Variants in NMUR2 observed in about 807,000 individuals in gnomAD.
The protein encoded by NMUR2 is neuromedin U receptor 2.
Under a neutral mutation model 25.1 loss-of-function variants are expected in NMUR2, and 24 were observed. The observed-to-expected ratio is 0.96, with a 90% CI of 0.69 to 1.34. The LOEUF is 1.34. Ranked by LOEUF, NMUR2 falls within the 40% of genes most tolerant of loss-of-function variation. The pLI is 0.00. For missense variants in NMUR2, 533 were observed against 512.8 expected (o/e 1.04, Z -0.38); for synonymous variants, 218 against 208.1 (o/e 1.05, Z -0.41).
chr5:152,395,329 A>G, intron 3 of NMUR2, 130 bp downstream of exon 3: 1 of 1,030,642 alleles, frequency 9.7e-7, no homozygotes, highest in Non-Finnish European at 1.4e-6. Context: ...TAAAAGAAAA[A>G]TCAAATGTCT....
intron 2 of NMUR2, among the ~76,000 whole-genome samples, chr5:152,397,282 A>C (rs914241532): frequency 6.6e-6 from 1 of 152,136 alleles, no homozygotes; most frequent in African/African-American, 2.4e-5. Flanking sequence ...TTTGATTTGC[A>C]AAATGTATTA....
intron 1 of NMUR2, among the ~76,000 whole-genome samples, chr5:152,400,691 C>T (rs1328330044): frequency 1.3e-5 from 2 of 152,096 alleles, no homozygotes; most frequent in East Asian, 3.9e-4. Flanking sequence ...TTACTTCATG[C>T]CACTTAAAGA....
intron 1 of NMUR2, among the ~76,000 whole-genome samples, chr5:152,399,076 A>G (rs938739931): frequency 1.3e-5 from 2 of 152,098 alleles, no homozygotes; most frequent in Admixed American, 1.3e-4. Context: ...CTGAAGATCT[A>G]CATCATTCAT....
In NMUR2 at chr5:152,398,098, A is replaced by G. The variant is rs147889756; in HGVS notation, c.773T>C (p.Ile258Thr). 5 of 1,613,340 alleles carry G rather than the reference A, an allele frequency of 3.1e-6. No homozygotes were observed. In the African/African-American group the frequency reaches 5.3e-5, roughly 17 times the overall value. ...SLEADEGNAN[I>T]QRPCRKSVNK... ...GACTGATTTTCTGCAGGGTCTTTGA[A>G]TATTTGCATTCCCTTCATCTGCCTC... Residue 258 changes from isoleucine (I) to threonine (T), a missense_variant, in exon 2 of 4, where the codon ATT (isoleucine) becomes ACT (threonine). Coordinates refer to ENST00000255262, the MANE Select transcript of NMUR2 (RefSeq NM_020167.5).
Position 152,404,500 on chromosome 5 carries a change from G to A in NMUR2, c.614C>T (p.Thr205Met), listed in dbSNP as rs1326243803. The change falls in exon 1 of 4, where the codon ACG becomes ATG. Residue 205 changes from threonine to methionine, a missense_variant. Thr to Met is a moderately conservative substitution (Grantham distance 81). Transcript: ENST00000255262. Reference sequence around the variant, plus strand: ...GTAGATCCACATGGGCTTGATGACCGTACAGGTGGCCGAACCTGGGACCAG... The same window carrying A: ...GTAGATCCACATGGGCTTGATGACCATACAGGTGGCCGAACCTGGGACCAG... The part of the protein sequence containing the change: ...GSLVPGSATC[T>M]VIKPMWIYNF... The A allele has an allele frequency of 3.7e-6, 6 of 1,614,098 alleles. No homozygotes were observed. Among genetic ancestry groups the A allele is most frequent in the East Asian group, 2.2e-5 (1 of 44,850 alleles).
chr5:152,401,512 A>G (rs972879906), intron 1 of NMUR2, among the ~76,000 whole-genome samples: 1 of 152,194 alleles, frequency 6.6e-6, no homozygotes, highest in Non-Finnish European at 1.5e-5. Context: ...TTGTGTAAAT[A>G]TCTCTATAAT....
intron 3 of NMUR2, among the ~76,000 whole-genome samples, chr5:152,394,469 C>T (rs72791431): frequency 0.012 from 1,763 of 152,188 alleles, 18 homozygotes; most frequent in Middle Eastern, 0.024. Context: ...TCTAATGAGC[C>T]CATAGAATCA....
At chr5:152,395,155 T>C (rs1483770185) in intron 3 of NMUR2, among the ~76,000 whole-genome samples, 1 of 152,102 alleles carries the variant, frequency 6.6e-6, no homozygotes, top group African/African-American at 2.4e-5. Flanking sequence ...AAGAACCAAT[T>C]TAATTGCATG....
intron 2 of NMUR2, among the ~76,000 whole-genome samples, chr5:152,396,385 A>G (rs1561697040): frequency 6.6e-6 from 1 of 152,220 alleles, no homozygotes; most frequent in Non-Finnish European, 1.5e-5. Context: ...GGTGATGGGT[A>G]CATGGGTATT....
intron 1 of NMUR2, among the ~76,000 whole-genome samples, chr5:152,398,373 T>C (rs537732872): frequency 2.0e-5 from 3 of 152,284 alleles, no homozygotes; most frequent in Admixed American, 1.3e-4. Flanking sequence ...CAACCACTTT[T>C]CGTATACAGT....
Position 152,397,511 on chromosome 5 carries a change from T to C in NMUR2, c.811+549A>G, listed in dbSNP as rs143149070. Among the ~76,000 whole-genome samples, 1,074 of 152,214 alleles carry C rather than the reference T, an allele frequency of 7.1e-3. 14 individuals are homozygous for C. The highest frequency in any genetic ancestry group is 0.024 in the African/African-American group (984 of 41,526). ...ATGTTCTTAACCTGGAACTAAAAGA[T>C]CCCATGGAGTCTATGAGTATCAGGG... On this transcript the variant is annotated intron_variant, in intron 2 of 3. Coordinates refer to ENST00000255262, the MANE Select transcript of NMUR2 (RefSeq NM_020167.5).
chr5:152,403,567 T>C (rs1163855155), intron 1 of NMUR2, among the ~76,000 whole-genome samples: 1 of 151,902 alleles, frequency 6.6e-6, no homozygotes, highest in Non-Finnish European at 1.5e-5. Flanking sequence ...AAGTGATATC[T>C]TTTTCTTAAT....
chr5:152,404,545 T>C lies in NMUR2; in HGVS notation c.569A>G (p.His190Arg), dbSNP rs749981074. 2.0e-5 allele frequency: 33 copies of C among 1,613,840 alleles called. No homozygotes were observed. The Admixed American group carries it at 5.3e-4, about 26-fold the overall frequency. The change falls in exon 1 of 4, where the codon CAC becomes CGC. Residue 190 changes from histidine to arginine, a missense_variant. His to Arg is a conservative substitution (Grantham distance 29). Coordinates refer to ENST00000255262, the MANE Select transcript of NMUR2 (RefSeq NM_020167.5). ...PNTSIHGIKF[H>R]YFPNGSLVPG... is the part of the protein sequence containing the mutation. ...GACCAGGGACCCATTGGGGAAGTAG[T>C]GGAACTTGATGCCATGGATGCTGGT...
rs1180079558 is a variant in NMUR2, at chr5:152,404,374, G to A, written c.726+14C>T. On this transcript the variant is annotated intron_variant, in intron 1 of 3. Transcript: ENST00000255262. ...AGGGATGCTGCCTCAGGCCACCCCA[G>A]CCTAGATACTCACTCTGAGTGCCAT... 3.8e-6 allele frequency: 6 copies of A among 1,597,912 alleles called. No individual in the cohort carries two copies. The highest frequency in any genetic ancestry group is 5.1e-6 in the Non-Finnish European group (6 of 1,169,734).
chr5:152,397,305 C>T (rs964104279), intron 2 of NMUR2, among the ~76,000 whole-genome samples: 1 of 152,088 alleles, frequency 6.6e-6, no homozygotes, highest in Non-Finnish European at 1.5e-5. Context: ...AATCTCCTTT[C>T]CCTCATCAGT....
Position 152,404,366 on chromosome 5 carries a change from C to G in NMUR2, c.726+22G>C, listed in dbSNP as rs1190353879. The G allele has an allele frequency of 2.5e-6, 4 of 1,573,066 alleles. No homozygotes were observed. The East Asian group carries it at 9.0e-5, about 35-fold the overall frequency. ...AAAAAAGAAGGGATGCTGCCTCAGG[C>G]CACCCCAGCCTAGATACTCACTCTG... On this transcript the variant is annotated intron_variant, in intron 1 of 3. Coordinates refer to ENST00000255262, the MANE Select transcript of NMUR2 (RefSeq NM_020167.5).
intron 1 of NMUR2, among the ~76,000 whole-genome samples, chr5:152,402,194 G>A (rs553071134): frequency 6.6e-6 from 1 of 152,234 alleles, no homozygotes; most frequent in East Asian, 1.9e-4. Context: ...GAGCTTCCCT[G>A]AGGAAGCGTG....
intron 2 of NMUR2, among the ~76,000 whole-genome samples, chr5:152,397,422 A>G (rs72791441): frequency 0.14 from 21,748 of 152,126 alleles, 2,063 homozygotes; most frequent in Admixed American, 0.24. Flanking sequence ...ATTCAAAAGT[A>G]TACTGTTTGA....
intron 1 of NMUR2, among the ~76,000 whole-genome samples, chr5:152,404,144 A>G (rs1306716007): frequency 6.6e-6 from 1 of 152,204 alleles, no homozygotes; most frequent in Non-Finnish European, 1.5e-5. Flanking sequence ...TAGATACGAG[A>G]ACCCCAAGAA....
Sources: allele counts gnomAD v4.1 joint callset (sites outside exome capture counted in the v4.1 genomes callset), GRCh38; gene constraint gnomAD v4.1.1; transcripts MANE v1.5; gene names NCBI Gene and HGNC (gene_info 2026-07-23, HGNC 2026-07-21).